Variants in CDH18 observed in about 807,000 individuals in gnomAD.
CDH18 encodes cadherin-18.
Under a neutral mutation model 67.9 loss-of-function variants are expected in CDH18, and 31 were observed. The ratio of observed to expected loss-of-function variants is 0.46; its 90% CI spans 0.34 to 0.62. The LOEUF (loss-of-function observed/expected upper bound fraction) is 0.62. CDH18 is among the 20% of genes least tolerant of loss of function. CDH18 has a pLI of 0.01. For missense variants in CDH18, 890 were observed against 975.5 expected (o/e 0.91, Z 1.17); for synonymous variants, 362 against 347.2 (o/e 1.04, Z -0.48).
At chr5:20,227,098 C>T (rs1036863622) in intron 2 of CDH18, among the ~76,000 whole-genome samples, 9 of 152,104 alleles carry the variant, frequency 5.9e-5, no homozygotes, top group African/African-American at 2.2e-4. Flanking sequence ...TGAGACCCAA[C>T]CCTACCATTG....
At position 20,538,896 on chromosome 5, in the gene CDH18, C is replaced by CTATTTTT. The variant is rs775628726; in HGVS notation, c.-580+36565_-580+36566insAAAAATA. 2.9e-5 allele frequency among the ~76,000 whole-genome samples: 2 copies of CTATTTTT among 69,128 alleles called. 1 individual carries two copies. The highest frequency in any genetic ancestry group is 1.9e-3 in the East Asian group (2 of 1,034). 45.4% of individuals were successfully genotyped at this position (69,128 alleles called of 152,430 possible). ...ACTGGATATACATCCACATAGCCAA[C>CTATTTTT]TGTTTTTTTTTTGTTTTTTTTTTTT... On this transcript the variant is annotated intron_variant, in intron 1 of 14. Transcript: ENST00000507958.
chr5:19,924,580 C>T (rs930867038), intron 2 of CDH18, among the ~76,000 whole-genome samples: 6 of 152,084 alleles, frequency 3.9e-5, no homozygotes, highest in South Asian at 2.1e-4. Flanking sequence ...GAGCCCAGAT[C>T]GCAGCACTGC....
At chr5:19,541,671 T>C (rs891090859) in intron 9 of CDH18, among the ~76,000 whole-genome samples, 6 of 152,106 alleles carry the variant, frequency 3.9e-5, no homozygotes, top group East Asian at 1.9e-4. Context: ...CTCCCCTTTA[T>C]AAAACCATCA....
At chr5:19,776,504 A>T (rs1035798364) in intron 3 of CDH18, among the ~76,000 whole-genome samples, 3 of 152,158 alleles carry the variant, frequency 2.0e-5, no homozygotes, top group African/African-American at 7.2e-5. Context: ...GAATGTAGGG[A>T]GGAAGTAAAA....
At chr5:20,547,165 G>T (rs943398738) in intron 1 of CDH18, among the ~76,000 whole-genome samples, 1 of 152,146 alleles carries the variant, frequency 6.6e-6, no homozygotes, top group South Asian at 2.1e-4. Context: ...ATTTATGTTA[G>T]AAAGTGAGAT....
intron 4 of CDH18, among the ~76,000 whole-genome samples, chr5:19,722,010 G>A (rs1766163146): frequency 6.6e-6 from 1 of 152,018 alleles, no homozygotes; most frequent in Admixed American, 6.6e-5. Context: ...CATAATTAAT[G>A]AGTCACATAA....
intron 2 of CDH18, among the ~76,000 whole-genome samples, chr5:20,226,195 C>T (rs1741612540): frequency 6.6e-6 from 1 of 151,768 alleles, no homozygotes; most frequent in Non-Finnish European, 1.5e-5. Flanking sequence ...CACTGGCCTT[C>T]AGAAAGCAAA....
intron 5 of CDH18, among the ~76,000 whole-genome samples, chr5:19,704,687 G>A (rs780026405): frequency 1.1e-4 from 16 of 152,124 alleles, no homozygotes; most frequent in Non-Finnish European, 1.6e-4. Flanking sequence ...TAGAACATTG[G>A]TCACTAAGTA....
chr5:20,135,450 T>C lies in CDH18; in HGVS notation c.-518+119994A>G, dbSNP rs554101504. ...TCGGTGGTTATATACCTTTTATCAT[T>C]TTTTAATGCGTCTATTTGATTCTTC... On this transcript the variant is annotated intron_variant, in intron 2 of 14. Transcript: ENST00000507958. Among the ~76,000 whole-genome samples, 32 of 152,296 alleles carry C rather than the reference T, an allele frequency of 2.1e-4. 1 individual carries two copies. The South Asian group carries it at 6.6e-3, about 32-fold the overall frequency.
At chr5:20,390,802 C>T (rs577668268) in intron 1 of CDH18, among the ~76,000 whole-genome samples, 1 of 152,286 alleles carries the variant, frequency 6.6e-6, no homozygotes, top group South Asian at 2.1e-4. Context: ...GAATACCATG[C>T]AGCCATAAAA....
At position 20,019,040 on chromosome 5, in the gene CDH18, G is replaced by A. The variant is rs367914960; in HGVS notation, c.-517-27026C>T. 3.3e-3 allele frequency among the ~76,000 whole-genome samples: 473 copies of A among 142,302 alleles called. 24 individuals carry two copies. Among genetic ancestry groups the A allele is most frequent in the African/African-American group, 0.012 (441 of 36,548 alleles). The allele number at this position is 142,302 out of a possible 152,430, so 93.4% of individuals were successfully genotyped here. A position where few individuals can be genotyped will look rare whatever the true frequency, so the allele number is the denominator to read the frequency against. ...TCTCAATCTCCTGACCTCGTGATCC[G>A]CCCATCTCGGCCTCCCAAAGTGCTG... On this transcript the variant is annotated intron_variant, in intron 2 of 14. Transcript: ENST00000507958.
intron 2 of CDH18, among the ~76,000 whole-genome samples, chr5:20,168,387 G>T (rs1055983141): frequency 6.6e-6 from 1 of 151,580 alleles, no homozygotes; most frequent in African/African-American, 2.4e-5. Flanking sequence ...AACAAACAAA[G>T]ATAATAAATG....
chr5:19,612,224 A>T (rs998411052), intron 6 of CDH18, among the ~76,000 whole-genome samples: 1 of 152,144 alleles, frequency 6.6e-6, no homozygotes, highest in Admixed American at 6.6e-5. Context: ...ATGAAACTCC[A>T]ACTCTGAACA....
At chr5:20,416,828 C>T (rs1260459395) in intron 1 of CDH18, among the ~76,000 whole-genome samples, 2 of 151,812 alleles carry the variant, frequency 1.3e-5, no homozygotes, top group Non-Finnish European at 2.9e-5. Flanking sequence ...TGGAGATATG[C>T]CCTGAGACAT....
chr5:20,169,811 A>G (rs1015254290), intron 2 of CDH18, among the ~76,000 whole-genome samples: 3 of 152,122 alleles, frequency 2.0e-5, no homozygotes, highest in African/African-American at 7.2e-5. Flanking sequence ...TGAAATTAGC[A>G]TAGGCCAGTA....
intron 7 of CDH18, among the ~76,000 whole-genome samples, chr5:19,573,528 T>A (rs1580284742): frequency 6.6e-6 from 1 of 152,138 alleles, no homozygotes; most frequent in East Asian, 1.9e-4. Flanking sequence ...TCCACCCACC[T>A]AGGCCTCCCA....
rs1402524021 is a variant in CDH18, at chr5:19,502,661, T to A, written c.1630+331A>T. The A allele has an allele frequency of 9.4e-5, 43 of 459,380 alleles. No homozygotes were observed. The East Asian group carries it at 1.4e-3, about 15-fold the overall frequency. 28.5% of individuals were successfully genotyped at this position (459,380 alleles called of 1,614,324 possible). ...TCTCTAGGATATATTTTTCATTTTTTCCTAATTTGAATATTTTCTACCTCC... is the reference window on the plus strand; with the variant it reads ...TCTCTAGGATATATTTTTCATTTTTACCTAATTTGAATATTTTCTACCTCC... On this transcript the variant is annotated intron_variant, in intron 11 of 12. Coordinates refer to ENST00000382275, the MANE Select transcript of CDH18 (RefSeq NM_004934.5).
chr5:20,403,997 C>G (rs1418070922), intron 1 of CDH18, among the ~76,000 whole-genome samples: 1 of 152,328 alleles, frequency 6.6e-6, no homozygotes, highest in South Asian at 2.1e-4. Context: ...CTTGTTGCAG[C>G]TTCTACATCA....
At chr5:20,308,508 A>G (rs1166634460) in intron 1 of CDH18, among the ~76,000 whole-genome samples, 3 of 150,700 alleles carry the variant, frequency 2.0e-5, no homozygotes, top group African/African-American at 7.3e-5. Flanking sequence ...GTGCCACTGG[A>G]CTCTAGCCTG....
Sources: gnomAD v4.1 joint callset for allele counts (sites outside exome capture counted in the v4.1 genomes callset) on GRCh38, gnomAD v4.1.1 for gene constraint, MANE v1.5 for transcripts, NCBI Gene and HGNC (gene_info 2026-07-23, HGNC 2026-07-21) for gene names.